Variants in PCDHGB7 observed in about 807,000 individuals in gnomAD.
PCDHGB7 encodes the protein protocadherin gamma subfamily B, 7, also known as protocadherin gamma-B7.
PCDHGB7 carries 37 observed loss-of-function variants against 61.4 expected under a neutral mutation model. That is an observed-to-expected ratio of 0.60 (90% confidence interval 0.46 to 0.79). PCDHGB7 has a LOEUF of 0.79. Among genes scored for constraint, PCDHGB7 ranks in the 30% least tolerant of loss-of-function variants. PCDHGB7 has a pLI of 0.00. For missense variants in PCDHGB7, 1,166 were observed against 1,202.5 expected (o/e 0.97, Z 0.45); for synonymous variants, 464 against 503.5 (o/e 0.92, Z 1.05).
At chr5:141,457,550 A>G (rs1331411755) in intron 1 of PCDHGB7, among the ~76,000 whole-genome samples, 1 of 152,230 alleles carries the variant, frequency 6.6e-6, no homozygotes, top group Non-Finnish European at 1.5e-5. Flanking sequence ...CAAATGTATG[A>G]TAAGCTTTGG....
intron 1 of PCDHGB7, among the ~76,000 whole-genome samples, chr5:141,456,944 C>G (rs1172050038): frequency 6.6e-6 from 1 of 152,138 alleles, no homozygotes; most frequent in Non-Finnish European, 1.5e-5. Context: ...GCCTGGGCAA[C>G]AGAGCAAAAC....
intron 1 of PCDHGB7, among the ~76,000 whole-genome samples, chr5:141,460,912 G>GTGTATA (rs145509489): frequency 0.032 from 4,842 of 149,286 alleles, 90 homozygotes; most frequent in Middle Eastern, 0.083. Flanking sequence ...ATTCCATGGT[G>GTGTATA]TATATATATA....
At chr5:141,484,908 G>T in intron 1 of PCDHGB7, 1 of 415,428 alleles carries the variant, frequency 2.4e-6, no homozygotes, top group East Asian at 4.2e-5. Context: ...ATGCTGCGAC[G>T]CATTAACCCT....
intron 2 of PCDHGB7, among the ~76,000 whole-genome samples, chr5:141,495,702 T>G (rs1462896403): frequency 6.6e-6 from 1 of 152,212 alleles, no homozygotes; most frequent in African/African-American, 2.4e-5. Context: ...TCAATAAATG[T>G]GGAGTGAGTA....
In PCDHGB7 at chr5:141,454,796, A is replaced by ATTTT. The variant is rs61612330; in HGVS notation, c.2415+34548_2415+34551dup. Among the ~76,000 whole-genome samples, 123 of 77,452 alleles carry ATTTT rather than the reference A, an allele frequency of 1.6e-3. 16 individuals are homozygous for ATTTT. The highest frequency in any genetic ancestry group is 7.2e-3 in the South Asian group (14 of 1,958). 50.8% of individuals were successfully genotyped at this position (77,452 alleles called of 152,430 possible). On this transcript the variant is annotated intron_variant, in intron 1 of 3. Coordinates refer to ENST00000398594, the MANE Select transcript of PCDHGB7 (RefSeq NM_018927.4). ...AAGGAAATAATCCTCCATGGTTCTAATTTTTTTTTTTTTTTTTTTTTTTTT... is the reference window on the plus strand; with the variant it reads ...AAGGAAATAATCCTCCATGGTTCTAATTTTTTTTTTTTTTTTTTTTTTTTTTTTT...
intron 1 of PCDHGB7, among the ~76,000 whole-genome samples, chr5:141,443,859 GAA>G (rs2098408229): frequency 6.6e-6 from 1 of 152,104 alleles, no homozygotes; most frequent in Non-Finnish European, 1.5e-5. Context: ...TCTGAAAACT[GAA>G]AAAATTACTG....
At chr5:141,443,050 T>C (rs1290373918) in intron 1 of PCDHGB7, among the ~76,000 whole-genome samples, 1 of 152,236 alleles carries the variant, frequency 6.6e-6, no homozygotes, top group Non-Finnish European at 1.5e-5. Flanking sequence ...AAAATTATTG[T>C]TCCACTGAAG....
Position 141,490,004 on chromosome 5 carries a change from C to T in PCDHGB7, c.2416-4803C>T. On this transcript the variant is annotated intron_variant, in intron 1 of 3. Coordinates refer to ENST00000398594, the MANE Select transcript of PCDHGB7 (RefSeq NM_018927.4). This position sits in a 1 kb window ranked among gnomAD's most constrained non-coding sequence, Gnocchi z 5.4. ...CTACGTGTGGGAATCCCAGAGAATG[C>T]ACCCATTGGTACTCTGCTGCTCCGC... The T allele has an allele frequency of 1.9e-6, 3 of 1,614,174 alleles. No individual in the cohort carries two copies. Among genetic ancestry groups the T allele is most frequent in the Non-Finnish European group, 2.5e-6 (3 of 1,179,980 alleles).
chr5:141,499,689 CTTTTTTTTTTTT>C (rs545067566), intron 2 of PCDHGB7, among the ~76,000 whole-genome samples: 1 of 119,856 alleles, frequency 8.3e-6, no homozygotes, highest in Non-Finnish European at 1.7e-5. Flanking sequence ...TAACAGATGA[CTTTTTTTTTTTT>C]TTTTTTTTTT....
rs539878473 is a variant in PCDHGB7 at position 141,501,595 on chromosome 5, C to T, written c.2475-3798C>T. Reference sequence around the variant, plus strand: ...GCTGGCTTTCAGGTTGCAACTCTACCAGTTCCAGCTGTGTGACTCTGGTAT... The same window carrying T: ...GCTGGCTTTCAGGTTGCAACTCTACTAGTTCCAGCTGTGTGACTCTGGTAT... On this transcript the variant is annotated intron_variant, in intron 2 of 3. Coordinates refer to ENST00000398594, the MANE Select transcript of PCDHGB7 (RefSeq NM_018927.4). Among the ~76,000 whole-genome samples the T allele has an allele frequency of 9.9e-5, 15 of 152,164 alleles. No homozygotes were observed. In the East Asian group the frequency reaches 2.9e-3, roughly 30 times the overall value.
intron 1 of PCDHGB7, among the ~76,000 whole-genome samples, chr5:141,456,702 C>A (rs1185842343): frequency 6.6e-6 from 1 of 152,062 alleles, no homozygotes; most frequent in African/African-American, 2.4e-5. Flanking sequence ...TGGTGGCTCG[C>A]GCCTGTAATC....
chr5:141,422,370 T>G (rs2096643676), intron 1 of PCDHGB7: 1 of 1,566,604 alleles, frequency 6.4e-7, no homozygotes, highest in African/African-American at 1.4e-5. Flanking sequence ...GAGAAAATGG[T>G]CAAGTCTCCT....
At chr5:141,510,315 G>A (rs2099880567) in intron 3 of PCDHGB7, among the ~76,000 whole-genome samples, 1 of 151,324 alleles carries the variant, frequency 6.6e-6, no homozygotes, top group African/African-American at 2.4e-5. Flanking sequence ...TGGAGGCTTG[G>A]AAGAGCACTC....
intron 2 of PCDHGB7, among the ~76,000 whole-genome samples, chr5:141,502,759 C>T (rs535899844): frequency 9.9e-5 from 15 of 152,130 alleles, no homozygotes; most frequent in African/African-American, 3.6e-4. Context: ...CATGTATTTG[C>T]TGGTATTCTT....
chr5:141,455,466 A>G (rs1253494886), intron 1 of PCDHGB7, among the ~76,000 whole-genome samples: 1 of 152,164 alleles, frequency 6.6e-6, no homozygotes, highest in East Asian at 1.9e-4. Flanking sequence ...AGCCAGGTAT[A>G]TATGCAGAGG....
At chr5:141,506,955 C>G (rs1387377785) in intron 3 of PCDHGB7, 1 of 152,244 alleles carries the variant, frequency 6.6e-6, no homozygotes, top group Non-Finnish European at 1.5e-5. Context: ...AATGAATCCT[C>G]TCAATAGCTC....
intron 1 of PCDHGB7, chr5:141,478,018 C>G: frequency 6.2e-7 from 1 of 1,614,124 alleles, no homozygotes; most frequent in Non-Finnish European, 8.5e-7. Flanking sequence ...CCCGTCCAGT[C>G]CAAGACACAG....
chr5:141,489,723 T>C lies in PCDHGB7; in HGVS notation c.2416-5084T>C, dbSNP rs900332220. ...CACTGGACAGTGCCCAGGATCCGGA[T>C]GTGGGCACCAATACTGTGAGCTTTT... On this transcript the variant is annotated intron_variant, in intron 1 of 3. Coordinates refer to ENST00000398594, the MANE Select transcript of PCDHGB7 (RefSeq NM_018927.4). This position sits in a 1 kb window ranked among gnomAD's most constrained non-coding sequence, Gnocchi z 4.5. 4.3e-6 allele frequency: 7 copies of C among 1,613,958 alleles called. No homozygotes were observed. The highest frequency in any genetic ancestry group is 5.9e-6 in the Non-Finnish European group (7 of 1,179,940).
At chr5:141,500,223 T>G (rs1034982746) in intron 2 of PCDHGB7, among the ~76,000 whole-genome samples, 16 of 145,318 alleles carry the variant, frequency 1.1e-4, no homozygotes, top group African/African-American at 3.4e-4. Context: ...TTTATTTATT[T>G]ATTGATACGT....
Sources: allele counts gnomAD v4.1 joint callset (sites outside exome capture counted in the v4.1 genomes callset), GRCh38; gene constraint gnomAD v4.1.1; non-coding constraint Gnocchi (gnomAD v3.1); transcripts MANE v1.5; gene names NCBI Gene and HGNC (gene_info 2026-07-23, HGNC 2026-07-21).